The following ME1 variants were observed in gnomAD, a reference collection of about 807,000 sequenced individuals.
The protein encoded by ME1 is NADP-dependent malic enzyme.
ME1 carries 74 observed loss-of-function variants against 66.4 expected under a neutral mutation model. The observed-to-expected ratio is 1.11, with a 90% CI of 0.92 to 1.35. The LOEUF is 1.35. Among genes scored for constraint, ME1 ranks in the 40% most tolerant of loss-of-function variants. The pLI, the probability that ME1 is intolerant of heterozygous loss-of-function variation, is 0.00. For missense variants in ME1, 750 were observed against 694.1 expected, an observed-to-expected ratio of 1.08 and a Z score of -0.90; for synonymous variants, 251 against 235.6, an observed-to-expected ratio of 1.07 and a Z score of -0.60.
intron 8 of ME1, 23 bp from the exon 9 acceptor site, chr6:83,237,853 T>G (rs1790445143): frequency 1.5e-6 from 2 of 1,348,958 alleles, no homozygotes; most frequent in African/African-American, 2.9e-5. Flanking sequence ...AAGAAAAAAT[T>G]TTAAAGTTGT....
intron 6 of ME1, among the ~76,000 whole-genome samples, chr6:83,274,204 T>C (rs1294861103): frequency 6.6e-6 from 1 of 152,214 alleles, no homozygotes; most frequent in African/African-American, 2.4e-5. Flanking sequence ...TAAGTGTTCA[T>C]GCCCATGGTT....
At chr6:83,286,703 A>G (rs1017763099) in intron 6 of ME1, among the ~76,000 whole-genome samples, 1 of 152,212 alleles carries the variant, frequency 6.6e-6, no homozygotes, top group South Asian at 2.1e-4. Context: ...AGAGAAAAAC[A>G]CAAAGAAGTG....
At position 83,307,462 on chromosome 6, in the gene ME1, A is replaced by C. The variant is rs1441945620; in HGVS notation, c.704+7848T>G. Among the ~76,000 whole-genome samples the C allele has an allele frequency of 3.3e-5, 5 of 152,242 alleles. No homozygotes were observed. The East Asian group carries it at 9.6e-4, about 29-fold the overall frequency. On this transcript the variant is annotated intron_variant, in intron 6 of 13. Transcript: ENST00000369705. The stretch of plus-strand genomic sequence containing the variant: ...CCTGGTTATTTCACCCTGGGTCCAC[A>C]GGGAAGAATAGCAGGTGGAATCCCA...
intron 5 of ME1, among the ~76,000 whole-genome samples, chr6:83,321,236 G>A (rs1173191004): frequency 6.6e-6 from 1 of 152,160 alleles, no homozygotes; most frequent in African/African-American, 2.4e-5. Context: ...GGTCATTTGG[G>A]CAGACACCAA....
chr6:83,243,595 CTAT>C (rs1790552282), intron 7 of ME1, among the ~76,000 whole-genome samples: 1 of 87,942 alleles, frequency 1.1e-5, no homozygotes, highest in Non-Finnish European at 1.9e-5. Context: ...TCGATATAAT[CTAT>C]TATAATTACA....
At chr6:83,406,219 G>A (rs1292420723) in intron 2 of ME1, among the ~76,000 whole-genome samples, 1 of 152,170 alleles carries the variant, frequency 6.6e-6, no homozygotes, top group Non-Finnish European at 1.5e-5. Context: ...TGTGCTGCTG[G>A]ATTCGGTTTG....
intron 10 of ME1, 125 bp downstream of exon 10, chr6:83,228,701 C>T (rs755547515): frequency 7.4e-6 from 5 of 673,452 alleles, no homozygotes; most frequent in African/African-American, 3.6e-5. Context: ...AGGGTACTGT[C>T]GCTTGAGCGA....
chr6:83,390,025 A>C (rs1470113006), intron 3 of ME1, among the ~76,000 whole-genome samples: 1 of 152,178 alleles, frequency 6.6e-6, no homozygotes, highest in African/African-American at 2.4e-5. Flanking sequence ...AAGAAATTCC[A>C]CACAAAACCA....
intron 3 of ME1, among the ~76,000 whole-genome samples, chr6:83,373,774 C>A (rs867283590): frequency 1.3e-5 from 2 of 152,008 alleles, no homozygotes; most frequent in African/African-American, 2.4e-5. Flanking sequence ...CCTCACCCCC[C>A]ACAGGCCCTG....
chr6:83,227,589 A>G, intron 10 of ME1, 112 bp from the exon 11 acceptor site: 1 of 864,046 alleles, frequency 1.2e-6, no homozygotes. Context: ...TAGACCCTAA[A>G]CAAAATGCTA....
At chr6:83,373,235 T>C (rs1359871695) in intron 3 of ME1, among the ~76,000 whole-genome samples, 1 of 127,542 alleles carries the variant, frequency 7.8e-6, no homozygotes, top group Non-Finnish European at 1.6e-5. Context: ...TTTAGTAACA[T>C]GTATTTGTTT....
chr6:83,304,998 C>T (rs1767799271), intron 6 of ME1, among the ~76,000 whole-genome samples: 3 of 152,116 alleles, frequency 2.0e-5, no homozygotes, highest in Admixed American at 2.0e-4. Context: ...CTGAGACAAT[C>T]GGGTATTCAT....
At chr6:83,418,980 T>G (rs774296917) in intron 1 of ME1, among the ~76,000 whole-genome samples, 2 of 152,226 alleles carry the variant, frequency 1.3e-5, no homozygotes, top group South Asian at 2.1e-4. Flanking sequence ...TAACCCCTAA[T>G]GCAGAAAAGC....
At chr6:83,377,699 C>G (rs556751432) in intron 3 of ME1, among the ~76,000 whole-genome samples, 69 of 151,972 alleles carry the variant, frequency 4.5e-4, no homozygotes, top group African/African-American at 1.4e-3. Context: ...GTATATGAAG[C>G]CTTTGGGATC....
At chr6:83,389,698 T>C (rs1288054768) in intron 3 of ME1, among the ~76,000 whole-genome samples, 1 of 152,100 alleles carries the variant, frequency 6.6e-6, no homozygotes, top group African/African-American at 2.4e-5. Context: ...GCATTATCAA[T>C]TTGCAGAAAA....
chr6:83,212,736 A>G (rs944769958), intron 13 of ME1, among the ~76,000 whole-genome samples: 2 of 152,088 alleles, frequency 1.3e-5, no homozygotes, highest in African/African-American at 4.8e-5. Flanking sequence ...TAGTCTGCAC[A>G]TTATACTTTT....
intron 3 of ME1, among the ~76,000 whole-genome samples, chr6:83,390,943 T>A (rs374443932): frequency 6.6e-6 from 1 of 152,238 alleles, no homozygotes; most frequent in Non-Finnish European, 1.5e-5. Flanking sequence ...CATATTTATT[T>A]CTAAGAAAGT....
At chr6:83,288,787 G>A (rs1242763883) in intron 6 of ME1, among the ~76,000 whole-genome samples, 1 of 152,182 alleles carries the variant, frequency 6.6e-6, no homozygotes, top group African/African-American at 2.4e-5. Context: ...CTATCCATGA[G>A]CATGGAATGT....
At chr6:83,395,837 A>G (rs1769721609) in intron 3 of ME1, among the ~76,000 whole-genome samples, 1 of 151,830 alleles carries the variant, frequency 6.6e-6, no homozygotes, top group African/African-American at 2.4e-5. Flanking sequence ...TAGGCAAGCA[A>G]AAGAAAAAAA....
Sources: allele counts gnomAD v4.1 joint callset (sites outside exome capture counted in the v4.1 genomes callset), GRCh38; gene constraint gnomAD v4.1.1; transcripts MANE v1.5; gene names NCBI Gene and HGNC (gene_info 2026-07-23, HGNC 2026-07-21).